IREB2: variants seen among roughly 807,000 people sequenced by gnomAD.
IREB2 encodes the protein iron-responsive element-binding protein 2.
A neutral mutation model predicts 118.8 loss-of-function variants in IREB2; 39 were observed. That is an observed-to-expected ratio of 0.33 (90% CI 0.25 to 0.43). The LOEUF is 0.43. IREB2 is among the 20% of genes least tolerant of loss of function. The probability of loss-of-function intolerance (pLI) is 1.00; values close to 1 mark genes in which losing one functional copy is unlikely to be tolerated. For missense variants in IREB2, 900 were observed against 1,147.3 expected (o/e 0.78, Z 3.11); for synonymous variants, 372 against 392.2 (o/e 0.95, Z 0.61).
intron 2 of IREB2, among the ~76,000 whole-genome samples, chr15:78,460,717 A>G (rs2051182362): frequency 6.6e-6 from 1 of 152,206 alleles, no homozygotes; most frequent in African/African-American, 2.4e-5. Context: ...ATTTTCAGTG[A>G]CAGAGCTAGA....
intron 7 of IREB2, among the ~76,000 whole-genome samples, 180 bp from the exon 8 acceptor site, chr15:78,473,062 G>A (rs1281873548): frequency 3.9e-5 from 6 of 152,094 alleles, no homozygotes; most frequent in East Asian, 3.9e-4. Context: ...TTTTTCGACC[G>A]TGCGAGTGGA....
rs906279445 is a variant in IREB2 at position 78,494,377 on chromosome 15, A to T, written c.2595+113A>T. ...GATTTTTTATAGTTATTTGAACCTT[A>T]TAGGTATAGAGGGTTTTGTTTGTTT... On this transcript the variant is annotated intron_variant, in intron 20 of 21. Transcript: ENST00000258886. 7.6e-5 allele frequency: 81 copies of T among 1,062,456 alleles called. No individual in the cohort carries two copies. The Admixed American group carries it at 8.9e-4, about 12-fold the overall frequency. The allele number at this position is 1,062,456 out of a possible 1,614,324, so 65.8% of individuals were successfully genotyped here. A position where few individuals can be genotyped will look rare whatever the true frequency, so the allele number is the denominator to read the frequency against.
At chr15:78,484,123 A>G (rs1337535821) in intron 11 of IREB2, among the ~76,000 whole-genome samples, 1 of 151,910 alleles carries the variant, frequency 6.6e-6, no homozygotes. Flanking sequence ...CCGAGTAGCA[A>G]GTGGTCTCTG....
intron 1 of IREB2, 103 bp downstream of exon 1, chr15:78,438,459 A>G: frequency 7.5e-7 from 1 of 1,341,890 alleles, no homozygotes; most frequent in Non-Finnish European, 1.0e-6. Context: ...GCAGGCGCCC[A>G]GGCCCTCGGG....
At chr15:78,496,438 T>C (rs2051838759) in intron 20 of IREB2, among the ~76,000 whole-genome samples, 1 of 152,172 alleles carries the variant, frequency 6.6e-6, no homozygotes, top group African/African-American at 2.4e-5. Context: ...AGCTAATTTT[T>C]CTGTTTTTAG....
chr15:78,474,094 C>T (rs191927431), intron 8 of IREB2: 2 of 152,332 alleles, frequency 1.3e-5, no homozygotes, highest in Non-Finnish European at 2.9e-5. Context: ...CATATTAATA[C>T]ACAGGCTCAC....
chr15:78,450,871 T>C (rs1206856771), intron 2 of IREB2, among the ~76,000 whole-genome samples: 2 of 146,160 alleles, frequency 1.4e-5, no homozygotes, highest in Non-Finnish European at 3.0e-5. Context: ...TGTGTGTGTG[T>C]GTATTTTAAT....
chr15:78,481,522 ATT>A (rs145058390), intron 10 of IREB2, among the ~76,000 whole-genome samples: 1 of 137,988 alleles, frequency 7.2e-6, no homozygotes. Context: ...CACCTCGCTA[ATT>A]TTTTTTTTTT....
chr15:78,453,692 G>A (rs568978367), intron 2 of IREB2, among the ~76,000 whole-genome samples: 18 of 152,308 alleles, frequency 1.2e-4, no homozygotes, highest in African/African-American at 3.8e-4. Context: ...ATAGTAGGAG[G>A]AAGTTGAGAG....
intron 7 of IREB2, among the ~76,000 whole-genome samples, chr15:78,472,612 C>T (rs542105330): frequency 4.3e-4 from 66 of 152,276 alleles, no homozygotes; most frequent in Middle Eastern, 3.4e-3. Context: ...AGTGATCCAC[C>T]CACCTCGACC....
At chr15:78,481,006 CT>C (rs1055416084) in intron 10 of IREB2, among the ~76,000 whole-genome samples, 3 of 149,330 alleles carry the variant, frequency 2.0e-5, no homozygotes, top group Non-Finnish European at 4.4e-5. Flanking sequence ...GAGACTCTGT[CT>C]CAAAAAAAAA....
chr15:78,489,513 T>C (rs2051714889), intron 16 of IREB2, among the ~76,000 whole-genome samples: 1 of 152,094 alleles, frequency 6.6e-6, no homozygotes, highest in South Asian at 2.1e-4. Flanking sequence ...TTTTTTATTA[T>C]TTATTTTTTG....
chr15:78,495,573 G>A (rs550682585), intron 20 of IREB2, among the ~76,000 whole-genome samples: 1 of 152,078 alleles, frequency 6.6e-6, no homozygotes, highest in Non-Finnish European at 1.5e-5. Flanking sequence ...AAAGAGACTC[G>A]TTCAGTATGT....
At chr15:78,495,286 T>G (rs944525430) in intron 20 of IREB2, among the ~76,000 whole-genome samples, 1 of 152,298 alleles carries the variant, frequency 6.6e-6, no homozygotes, top group Middle Eastern at 3.4e-3. Flanking sequence ...ATTATAAGTA[T>G]TATTATGAGT....
chr15:78,438,637 T>A, intron 1 of IREB2: 1 of 475,256 alleles, frequency 2.1e-6, no homozygotes, highest in Non-Finnish European at 3.8e-6. Context: ...CGCTGCCTGC[T>A]GCCAGCGGCT....
At chr15:78,479,121 T>C (rs1346375352) in intron 10 of IREB2, among the ~76,000 whole-genome samples, 1 of 151,864 alleles carries the variant, frequency 6.6e-6, no homozygotes, top group African/African-American at 2.4e-5. Flanking sequence ...TTTTTTAATA[T>C]TATTATTTTT....
chr15:78,470,947 G>A (rs114642875), intron 6 of IREB2: 1,663 of 157,394 alleles, frequency 0.011, 17 homozygotes, highest in Middle Eastern at 0.018. Flanking sequence ...TGCCTGCCTC[G>A]GCCCCCCCCA....
At chr15:78,476,129 A>G (rs1008782565) in intron 8 of IREB2, 59 bp from the exon 9 acceptor site, 12 of 1,279,386 alleles carry the variant, frequency 9.4e-6, no homozygotes, top group Non-Finnish European at 1.3e-5. Flanking sequence ...GTTTTCAGAC[A>G]ATCGTTGCTA....
chr15:78,493,321 C>CA (rs1413693484), intron 18 of IREB2, among the ~76,000 whole-genome samples: 1 of 152,186 alleles, frequency 6.6e-6, no homozygotes, highest in Non-Finnish European at 1.5e-5. Flanking sequence ...TGAATTCCTA[C>CA]AGTCAGCCTT....
Sources: allele counts gnomAD v4.1 joint callset (sites outside exome capture counted in the v4.1 genomes callset), GRCh38; gene constraint gnomAD v4.1.1; transcripts MANE v1.5; gene names NCBI Gene and HGNC (gene_info 2026-07-23, HGNC 2026-07-21).